ANTXR2: variants seen among roughly 807,000 people sequenced by gnomAD.
ANTXR2 encodes the protein anthrax toxin receptor 2.
ANTXR2 carries 44 observed loss-of-function variants against 73.7 expected under a neutral mutation model. The ratio of observed to expected loss-of-function variants is 0.60; its 90% CI spans 0.47 to 0.77. The LOEUF is 0.77. ANTXR2 is among the 30% of genes least tolerant of loss of function. The probability of loss-of-function intolerance (pLI) is 0.00; values close to 1 mark genes in which losing one functional copy is unlikely to be tolerated. For missense variants in ANTXR2, 604 were observed against 592.5 expected (o/e 1.02, Z -0.20); for synonymous variants, 217 against 205.9 (o/e 1.05, Z -0.46).
intron 7 of ANTXR2, among the ~76,000 whole-genome samples, chr4:80,046,960 T>C (rs1259320456): frequency 6.6e-6 from 1 of 151,784 alleles, no homozygotes; most frequent in Non-Finnish European, 1.5e-5. Flanking sequence ...ATTAACCATT[T>C]TCTGCACCTG....
chr4:79,992,493 A>G (rs1448676882), intron 12 of ANTXR2, among the ~76,000 whole-genome samples: 9 of 151,942 alleles, frequency 5.9e-5, no homozygotes, highest in Non-Finnish European at 1.2e-4. Context: ...TATTTAATTC[A>G]ATTTTATTTT....
At chr4:80,057,493 A>T (rs1734051857) in intron 3 of ANTXR2, among the ~76,000 whole-genome samples, 1 of 151,936 alleles carries the variant, frequency 6.6e-6, no homozygotes, top group Non-Finnish European at 1.5e-5. Flanking sequence ...CATCTCATAA[A>T]GTTTCCAGGT....
At chr4:80,026,941 AACTT>A (rs1472721264) in intron 10 of ANTXR2, among the ~76,000 whole-genome samples, 1 of 152,158 alleles carries the variant, frequency 6.6e-6, no homozygotes, top group Non-Finnish European at 1.5e-5. Context: ...AGATGAGGTG[AACTT>A]ATCACATTGA....
In ANTXR2 at chr4:80,003,876, C is replaced by A. The variant is rs971773394; in HGVS notation, c.1041+4645G>T. On this transcript the variant is annotated intron_variant, in intron 12 of 16. Coordinates refer to ENST00000403729, the MANE Select transcript of ANTXR2 (RefSeq NM_058172.6). Reference sequence around the variant, plus strand: ...GCAGTTTCCCATAAAACTAGATATACAACTACTTTATAACTCAGGAGTCAC... The same window carrying A: ...GCAGTTTCCCATAAAACTAGATATAAAACTACTTTATAACTCAGGAGTCAC... 1.2e-3 allele frequency among the ~76,000 whole-genome samples: 187 copies of A among 152,050 alleles called. 2 individuals are homozygous for A. Among genetic ancestry groups the A allele is most frequent in the Non-Finnish European group, 9.0e-4 (61 of 68,002 alleles).
At position 80,072,976 on chromosome 4, in the gene ANTXR2, C is replaced by G. The variant is rs1161715841; in HGVS notation, c.-416G>C. 3 of 164,704 alleles carry G rather than the reference C, an allele frequency of 1.8e-5. No individual in the cohort carries two copies. In the Admixed American group the frequency reaches 1.9e-4, roughly 11 times the overall value. The allele number at this position is 164,704 out of a possible 1,614,324, so 10.2% of individuals were successfully genotyped here. ...CCGCCTGGAGGGCTGAAGTCCCCCC[C>G]GCTGCCGTGCGCTTCGGGACAAGGG... is the stretch of plus-strand genomic sequence containing the variant. On this transcript the variant is annotated 5_prime_UTR_variant, in exon 1 of 17. Coordinates refer to ENST00000403729, the MANE Select transcript of ANTXR2 (RefSeq NM_058172.6).
At chr4:79,984,967 A>G (rs1228255337) in intron 12 of ANTXR2, 104 bp from the exon 13 acceptor site, 15 of 937,828 alleles carry the variant, frequency 1.6e-5, no homozygotes, top group Non-Finnish European at 2.4e-5. Flanking sequence ...AGCTCCAAAG[A>G]AGTCCCTCAC....
intron 2 of ANTXR2, among the ~76,000 whole-genome samples, 195 bp downstream of exon 2, chr4:80,071,388 T>C (rs1469665213): frequency 6.6e-6 from 1 of 152,238 alleles, no homozygotes; most frequent in Admixed American, 6.5e-5. Flanking sequence ...CTGAGCCAAG[T>C]TTCTGGGATC....
At chr4:80,061,814 CTGAG>C (rs1193899876) in intron 3 of ANTXR2, among the ~76,000 whole-genome samples, 21 of 152,014 alleles carry the variant, frequency 1.4e-4, no homozygotes, top group East Asian at 5.8e-4. Flanking sequence ...CAAAATTAAC[CTGAG>C]TAAGAAAAAT....
chr4:79,922,617 T>A (rs1226352668), intron 16 of ANTXR2, among the ~76,000 whole-genome samples: 1 of 152,096 alleles, frequency 6.6e-6, no homozygotes, highest in African/African-American at 2.4e-5. Context: ...CTAATATGTA[T>A]TAAGTTAGCT....
At chr4:79,916,559 T>C (rs1380669633) in intron 16 of ANTXR2, among the ~76,000 whole-genome samples, 7 of 152,090 alleles carry the variant, frequency 4.6e-5, no homozygotes. Flanking sequence ...AAATTTCTCA[T>C]AATATGACCT....
chr4:79,988,306 C>T (rs66968950), intron 12 of ANTXR2, among the ~76,000 whole-genome samples: 3 of 131,330 alleles, frequency 2.3e-5, no homozygotes, highest in African/African-American at 6.0e-5. Flanking sequence ...GAATAGAGAA[C>T]GATCACTCAA....
Position 80,012,645 on chromosome 4 carries a change from G to T in ANTXR2, c.946-4029C>A, listed in dbSNP as rs916738674. On this transcript the variant is annotated intron_variant, in intron 11 of 16. Coordinates refer to ENST00000403729, the MANE Select transcript of ANTXR2 (RefSeq NM_058172.6). ...AACTTGTGGAAGTGTTCAGTCAGGGGGTGGGGGAGACAGACGTGGGTTCAA... is the reference window on the plus strand; with the variant it reads ...AACTTGTGGAAGTGTTCAGTCAGGGTGTGGGGGAGACAGACGTGGGTTCAA... 2.0e-5 allele frequency among the ~76,000 whole-genome samples: 3 copies of T among 152,100 alleles called. No individual in the cohort carries two copies. In the South Asian group the frequency reaches 6.2e-4, roughly 32 times the overall value.
Position 80,031,680 on chromosome 4 carries a change from A to C in ANTXR2, c.809T>G (p.Val270Gly). 6.6e-7 allele frequency: 1 copy of C among 1,507,152 alleles called. No homozygotes were observed. Among genetic ancestry groups the C allele is most frequent in the South Asian group, 1.4e-5 (1 of 69,930 alleles). 93.4% of individuals were successfully genotyped at this position (1,507,152 alleles called of 1,614,324 possible). ...NETYTTSVKPVSVQLNSMLCP... is the reference protein window; with the variant it reads ...NETYTTSVKPGSVQLNSMLCP... ...AAGCATAGAATTAAGCTGTACACTT[A>C]CTGGTTTTACACCTAGAAAATAAAA... Residue 270 changes from valine to glycine, a missense_variant, in exon 10 of 17, where the codon GTA becomes GGA. Coordinates refer to ENST00000403729, the MANE Select transcript of ANTXR2 (RefSeq NM_058172.6).
intron 16 of ANTXR2, among the ~76,000 whole-genome samples, chr4:79,962,222 A>G (rs1299744841): frequency 6.6e-6 from 1 of 152,152 alleles, no homozygotes; most frequent in African/African-American, 2.4e-5. Context: ...CAGTGAGCAA[A>G]TATGTCCTAT....
At chr4:80,035,933 C>A in intron 8 of ANTXR2, 39 bp downstream of exon 8, 1 of 1,477,022 alleles carries the variant, frequency 6.8e-7, no homozygotes, top group South Asian at 1.3e-5. Flanking sequence ...GAAAAAAATA[C>A]AATTTCTTAC....
chr4:80,068,796 T>G (rs1206459011), intron 3 of ANTXR2, among the ~76,000 whole-genome samples: 2 of 152,052 alleles, frequency 1.3e-5, no homozygotes, highest in Non-Finnish European at 2.9e-5. Context: ...ACATAAAATA[T>G]ATCAATGACT....
Position 79,917,707 on chromosome 4 carries a change from A to G in ANTXR2, c.1429-10240T>C, listed in dbSNP as rs145917996. Among the ~76,000 whole-genome samples, 199 of 152,302 alleles carry G rather than the reference A, an allele frequency of 1.3e-3. 1 individual carries two copies. Among genetic ancestry groups the G allele is most frequent in the African/African-American group, 4.5e-3 (186 of 41,576 alleles). On this transcript the variant is annotated intron_variant, in intron 16 of 16. Coordinates refer to ENST00000403729, the MANE Select transcript of ANTXR2 (RefSeq NM_058172.6). Reference sequence around the variant, plus strand: ...ATAAGTAAGAGTAAAACTTAACTACAGATTAGCAACAGGACAAAGGAAGTG... The same window carrying G: ...ATAAGTAAGAGTAAAACTTAACTACGGATTAGCAACAGGACAAAGGAAGTG...
intron 16 of ANTXR2, among the ~76,000 whole-genome samples, chr4:79,927,068 T>C (rs569542892): frequency 1.3e-5 from 2 of 150,122 alleles, no homozygotes; most frequent in African/African-American, 4.9e-5. Flanking sequence ...TGTGTATATA[T>C]ATATATATAT....
chr4:79,927,022 T>TG (rs1261792353), intron 16 of ANTXR2, among the ~76,000 whole-genome samples: 1 of 126,588 alleles, frequency 7.9e-6, no homozygotes, highest in African/African-American at 2.7e-5. Context: ...TATATACATA[T>TG]GTGTATATAT....
Sources: gnomAD v4.1 joint callset for allele counts (sites outside exome capture counted in the v4.1 genomes callset) on GRCh38, gnomAD v4.1.1 for gene constraint, MANE v1.5 for transcripts, NCBI Gene and HGNC (gene_info 2026-07-23, HGNC 2026-07-21) for gene names.